Variants in KLF12 observed in about 807,000 individuals in gnomAD.
KLF12 encodes Krueppel-like factor 12.
Under a neutral mutation model 37.8 loss-of-function variants are expected in KLF12, and 9 were observed. That is an observed-to-expected ratio of 0.24 (90% CI 0.14 to 0.42). KLF12 has a LOEUF of 0.42. Ranked by LOEUF, KLF12 falls within the 10% of genes least tolerant of loss-of-function variation. The pLI, the probability that KLF12 is intolerant of heterozygous loss-of-function variation, is 1.00. For synonymous variants in KLF12, 208 were observed against 202.1 expected (o/e 1.03, Z -0.25); for missense variants, 411 against 516.0 (o/e 0.80, Z 1.97).
At chr13:74,270,827 C>A in the KLF12 span, among the ~76,000 whole-genome samples, 2 of 152,064 alleles carry the variant, frequency 1.3e-5, no homozygotes, top group African/African-American at 4.8e-5. Context: ...GAGATTTGAC[C>A]TCACTCTGGG....
At chr13:73,958,285 C>A (rs1278077797) in intron 2 of KLF12, among the ~76,000 whole-genome samples, 1 of 151,820 alleles carries the variant, frequency 6.6e-6, no homozygotes, top group Non-Finnish European at 1.5e-5. Flanking sequence ...ACTCTGTCGC[C>A]CAGGCTGGAG....
chr13:74,108,432 A>G (rs1444823356), intron 1 of KLF12, among the ~76,000 whole-genome samples: 1 of 152,208 alleles, frequency 6.6e-6, no homozygotes, highest in African/African-American at 2.4e-5. Flanking sequence ...AAAAGTTAAC[A>G]TATTTATATC....
chr13:74,199,543 C>T, the KLF12 span, among the ~76,000 whole-genome samples: 1 of 152,100 alleles, frequency 6.6e-6, no homozygotes, highest in Non-Finnish European at 1.5e-5. Context: ...GAGGAACTCA[C>T]AAGAATATTA....
intron 4 of KLF12, among the ~76,000 whole-genome samples, chr13:73,826,588 C>A (rs930066004): frequency 6.6e-6 from 1 of 152,168 alleles, no homozygotes; most frequent in South Asian, 2.1e-4. Flanking sequence ...TTAAATATCA[C>A]AGAAAGAGCT....
At chr13:73,951,698 G>A (rs999356388) in intron 2 of KLF12, among the ~76,000 whole-genome samples, 2 of 152,192 alleles carry the variant, frequency 1.3e-5, no homozygotes, top group Non-Finnish European at 2.9e-5. Context: ...CTGACCTACA[G>A]CAGGTGCCTC....
At chr13:74,189,397 G>A in the KLF12 span, among the ~76,000 whole-genome samples, 2 of 152,176 alleles carry the variant, frequency 1.3e-5, no homozygotes, top group African/African-American at 4.8e-5. Flanking sequence ...CTCATTTGCA[G>A]CGAGGCCACA....
chr13:74,182,891 A>G, the KLF12 span, among the ~76,000 whole-genome samples: 1 of 151,930 alleles, frequency 6.6e-6, no homozygotes, highest in Non-Finnish European at 1.5e-5. Flanking sequence ...CATGTGACAC[A>G]CTTCCTTAGG....
chr13:73,854,470 G>T (rs1432618733), intron 3 of KLF12, among the ~76,000 whole-genome samples: 1 of 152,180 alleles, frequency 6.6e-6, no homozygotes, highest in Non-Finnish European at 1.5e-5. Flanking sequence ...CAGAGTGGCT[G>T]TAACAGTCAA....
chr13:74,239,296 G>T, the KLF12 span, among the ~76,000 whole-genome samples: 11 of 151,706 alleles, frequency 7.3e-5, no homozygotes, highest in African/African-American at 2.7e-4. Context: ...TTGCACTGTG[G>T]TCTGAGAGAT....
chr13:73,793,316 T>C (rs755432592), intron 5 of KLF12, among the ~76,000 whole-genome samples: 7 of 152,194 alleles, frequency 4.6e-5, no homozygotes, highest in Non-Finnish European at 1.0e-4. Context: ...AGGCTCCAAG[T>C]TTGTAAAAAT....
At chr13:73,965,626 C>T (rs1051601267) in intron 2 of KLF12, among the ~76,000 whole-genome samples, 2 of 152,172 alleles carry the variant, frequency 1.3e-5, no homozygotes, top group African/African-American at 4.8e-5. Flanking sequence ...GACTTAGCAT[C>T]CCAAGGGCAG....
intron 1 of KLF12, among the ~76,000 whole-genome samples, chr13:74,029,147 G>A (rs1893052777): frequency 6.6e-6 from 1 of 152,098 alleles, no homozygotes; most frequent in African/African-American, 2.4e-5. Context: ...ATAATAAACA[G>A]TGGGACTAAG....
the KLF12 span, among the ~76,000 whole-genome samples, chr13:74,155,362 T>G: frequency 2.9e-5 from 4 of 135,840 alleles, no homozygotes; most frequent in Non-Finnish European, 6.8e-5. Flanking sequence ...CTTTTGTTTT[T>G]GTTTTTGTTT....
At chr13:73,884,812 AT>A in intron 3 of KLF12, among the ~76,000 whole-genome samples, 1 of 152,338 alleles carries the variant, frequency 6.6e-6, no homozygotes, top group East Asian at 1.9e-4. Flanking sequence ...AGAGAATTAT[AT>A]GGTCGAGGCC....
the KLF12 span, among the ~76,000 whole-genome samples, chr13:74,161,038 C>T: frequency 6.7e-6 from 1 of 149,830 alleles, no homozygotes; most frequent in Non-Finnish European, 1.5e-5. Flanking sequence ...ATTGAGAACA[C>T]GGAGATTGGT....
At chr13:73,970,518 C>T (rs984917577) in intron 2 of KLF12, among the ~76,000 whole-genome samples, 2 of 152,154 alleles carry the variant, frequency 1.3e-5, no homozygotes, top group Non-Finnish European at 2.9e-5. Flanking sequence ...TGAGCTTCCT[C>T]GAGCCATTTT....
chr13:73,786,299 G>A (rs891672868), intron 5 of KLF12, among the ~76,000 whole-genome samples: 2 of 152,044 alleles, frequency 1.3e-5, no homozygotes, highest in Admixed American at 1.3e-4. Flanking sequence ...CAGCAACCAA[G>A]AACCCTAAAA....
the KLF12 span, among the ~76,000 whole-genome samples, chr13:74,211,559 G>T: frequency 6.6e-6 from 1 of 152,124 alleles, no homozygotes; most frequent in South Asian, 2.1e-4. Context: ...GATTTATGAA[G>T]TTTAATAAAA....
At chr13:74,084,481 A>G (rs1875131427) in intron 1 of KLF12, among the ~76,000 whole-genome samples, 1 of 152,224 alleles carries the variant, frequency 6.6e-6, no homozygotes, top group Non-Finnish European at 1.5e-5. Flanking sequence ...CACTCTGCTT[A>G]CAGATCACTA....
Sources: gnomAD v4.1 joint callset for allele counts (sites outside exome capture counted in the v4.1 genomes callset) on GRCh38, gnomAD v4.1.1 for gene constraint, MANE v1.5 for transcripts, NCBI Gene and HGNC (gene_info 2026-07-23, HGNC 2026-07-21) for gene names.